Variants in FRMD3 observed in about 807,000 individuals in gnomAD.
FRMD3 encodes the protein FERM domain-containing protein 3.
FRMD3 carries 33 observed loss-of-function variants against 70.2 expected under a neutral mutation model. The observed-to-expected ratio is 0.47, with a 90% CI of 0.36 to 0.63. FRMD3 has a LOEUF of 0.63. Ranked by LOEUF, FRMD3 falls within the 20% of genes least tolerant of loss-of-function variation. The probability of loss-of-function intolerance (pLI) is 0.00; values close to 1 mark genes in which losing one functional copy is unlikely to be tolerated. For synonymous variants in FRMD3, 279 were observed against 255.9 expected (o/e 1.09, Z -0.86); for missense variants, 632 against 711.4 (o/e 0.89, Z 1.27).
intron 1 of FRMD3, among the ~76,000 whole-genome samples, chr9:83,418,950 C>T (rs1322873479): frequency 2.0e-5 from 3 of 152,162 alleles, no homozygotes; most frequent in Non-Finnish European, 4.4e-5. Flanking sequence ...GAATTCTACT[C>T]AGCCATTAAA....
chr9:83,578,427 T>G, the FRMD3 span, among the ~76,000 whole-genome samples: 5 of 151,878 alleles, frequency 3.3e-5, no homozygotes, highest in African/African-American at 1.2e-4. Context: ...GGAAAAATCC[T>G]CAACAAAATA....
intron 13 of FRMD3, among the ~76,000 whole-genome samples, chr9:83,283,013 G>A (rs966517694): frequency 2.0e-5 from 3 of 152,058 alleles, no homozygotes; most frequent in Non-Finnish European, 4.4e-5. Context: ...TACTTAAGTT[G>A]TCAGTAAATA....
chr9:83,549,737 C>T, the FRMD3 span, among the ~76,000 whole-genome samples: 1 of 152,074 alleles, frequency 6.6e-6, no homozygotes, highest in African/African-American at 2.4e-5. Context: ...TTGTTGGCCA[C>T]ATATATGTCT....
intron 2 of FRMD3, 151 bp downstream of exon 2, chr9:83,389,453 C>T (rs1285583261): frequency 2.4e-5 from 15 of 628,960 alleles, no homozygotes; most frequent in Non-Finnish European, 3.7e-5. Context: ...CCAGTGAGGA[C>T]AATGCCAGCC....
At chr9:83,570,394 C>CAT in the FRMD3 span, among the ~76,000 whole-genome samples, 1 of 152,154 alleles carries the variant, frequency 6.6e-6, no homozygotes, top group Non-Finnish European at 1.5e-5. Flanking sequence ...TCTTGGAGGT[C>CAT]ATATATTACT....
intron 1 of FRMD3, among the ~76,000 whole-genome samples, chr9:83,474,292 G>A (rs1184940819): frequency 1.3e-5 from 2 of 152,066 alleles, no homozygotes; most frequent in African/African-American, 2.4e-5. Flanking sequence ...ATGAAAATAG[G>A]GATCTGAGCC....
the FRMD3 span, among the ~76,000 whole-genome samples, chr9:83,553,721 T>C: frequency 6.6e-6 from 1 of 152,242 alleles, no homozygotes; most frequent in East Asian, 1.9e-4. Flanking sequence ...TTAGGATCTC[T>C]TTATACCAGC....
chr9:83,309,248 G>C (rs892251466), intron 10 of FRMD3, among the ~76,000 whole-genome samples: 1 of 141,216 alleles, frequency 7.1e-6, no homozygotes, highest in Non-Finnish European at 1.5e-5. Flanking sequence ...TGTGGAAATA[G>C]CTATTTGAAA....
rs34251863 is a variant in FRMD3 at position 83,507,691 on chromosome 9, C to CATATAT, written c.147+30388_147+30393dup. Among the ~76,000 whole-genome samples the CATATAT allele has an allele frequency of 5.7e-3, 281 of 49,086 alleles. 5 individuals are homozygous for CATATAT. Among genetic ancestry groups the CATATAT allele is most frequent in the Middle Eastern group, 0.013 (1 of 80 alleles). The allele number at this position is 49,086 out of a possible 152,430, so 32.2% of individuals were successfully genotyped here. ...TCTCAAACAAAAAAAAATATACATA[C>CATATAT]ATATATATATATATATATATATATA... On this transcript the variant is annotated intron_variant, in intron 1 of 13. Transcript: ENST00000304195.
intron 1 of FRMD3, among the ~76,000 whole-genome samples, chr9:83,491,919 C>G (rs934097037): frequency 6.6e-6 from 1 of 152,222 alleles, no homozygotes; most frequent in Non-Finnish European, 1.5e-5. Flanking sequence ...TGAGAAGAGA[C>G]AGGCGTCCAC....
chr9:83,356,227 A>C (rs1410988062), intron 3 of FRMD3, among the ~76,000 whole-genome samples: 1 of 150,940 alleles, frequency 6.6e-6, no homozygotes, highest in East Asian at 1.9e-4. Flanking sequence ...AAATCTTTTA[A>C]AGATCAGATA....
intron 6 of FRMD3, among the ~76,000 whole-genome samples, chr9:83,315,208 A>C (rs112851747): frequency 1.3e-5 from 2 of 152,110 alleles, no homozygotes; most frequent in African/African-American, 2.4e-5. Context: ...TGTTGGCTGC[A>C]TTAATGCTGC....
intron 1 of FRMD3, among the ~76,000 whole-genome samples, chr9:83,472,137 C>T (rs528875073): frequency 5.9e-5 from 9 of 152,236 alleles, no homozygotes; most frequent in East Asian, 1.9e-4. Flanking sequence ...CAGAACTCAC[C>T]GCTCAGATTT....
chr9:83,476,294 G>C (rs1828394762), intron 1 of FRMD3, among the ~76,000 whole-genome samples: 1 of 150,792 alleles, frequency 6.6e-6, no homozygotes, highest in South Asian at 2.1e-4. Context: ...TGAGGCAGGA[G>C]AATCGCTTGA....
intron 1 of FRMD3, among the ~76,000 whole-genome samples, chr9:83,398,349 C>T (rs1219473987): frequency 1.3e-5 from 2 of 152,160 alleles, no homozygotes; most frequent in Non-Finnish European, 1.5e-5. Flanking sequence ...CAGAAAATTA[C>T]ATCATCCCAA....
intron 13 of FRMD3, among the ~76,000 whole-genome samples, chr9:83,266,620 G>C (rs1459028259): frequency 6.6e-6 from 1 of 152,170 alleles, no homozygotes. Context: ...GCAGATCTGA[G>C]CTCTGACCCT....
the FRMD3 span, among the ~76,000 whole-genome samples, chr9:83,546,612 CA>C: frequency 3.3e-5 from 5 of 152,188 alleles, no homozygotes; most frequent in African/African-American, 1.2e-4. Context: ...GACTACAAAG[CA>C]ACTAGGTAAC....
At chr9:83,324,150 A>G (rs1253087930) in intron 6 of FRMD3, among the ~76,000 whole-genome samples, 1 of 152,256 alleles carries the variant, frequency 6.6e-6, no homozygotes, top group Non-Finnish European at 1.5e-5. Flanking sequence ...ATCACTGTGG[A>G]AGAATCTCAT....
chr9:83,446,646 C>CAAAA (rs780150860), intron 1 of FRMD3, among the ~76,000 whole-genome samples: 10 of 83,310 alleles, frequency 1.2e-4, no homozygotes, highest in South Asian at 4.2e-4. Context: ...GACTCGGTCT[C>CAAAA]AAAAAAAAAA....
Sources: gnomAD v4.1 joint callset for allele counts (sites outside exome capture counted in the v4.1 genomes callset) on GRCh38, gnomAD v4.1.1 for gene constraint, MANE v1.5 for transcripts, NCBI Gene and HGNC (gene_info 2026-07-23, HGNC 2026-07-21) for gene names.